COL26A1: variants seen among roughly 807,000 people sequenced by gnomAD.
The protein encoded by COL26A1 is collagen alpha-1(XXVI) chain.
COL26A1 carries 41 observed loss-of-function variants against 59.3 expected under a neutral mutation model. The ratio of observed to expected loss-of-function variants is 0.69; its 90% CI spans 0.54 to 0.90. The LOEUF (loss-of-function observed/expected upper bound fraction) is 0.90. Ranked by LOEUF, COL26A1 falls within the 40% of genes least tolerant of loss-of-function variation. The pLI is 0.00. For missense variants in COL26A1, 612 were observed against 602.3 expected (o/e 1.02, Z -0.17); for synonymous variants, 266 against 256.0 (o/e 1.04, Z -0.37).
chr7:101,514,030 A>C (rs1257893531), intron 3 of COL26A1, among the ~76,000 whole-genome samples: 3 of 152,126 alleles, frequency 2.0e-5, no homozygotes, highest in Non-Finnish European at 4.4e-5. Flanking sequence ...ACAATGTAGA[A>C]AATGCAAATT....
At chr7:101,466,753 GC>G (rs1483965281) in intron 3 of COL26A1, among the ~76,000 whole-genome samples, 2 of 151,232 alleles carry the variant, frequency 1.3e-5, no homozygotes, top group East Asian at 3.9e-4. Flanking sequence ...GGATATAGAT[GC>G]TTAGGACTGA....
intron 3 of COL26A1, among the ~76,000 whole-genome samples, chr7:101,461,534 G>T (rs1054106842): frequency 2.0e-5 from 3 of 152,108 alleles, no homozygotes; most frequent in African/African-American, 7.2e-5. Context: ...CTCACCTCAG[G>T]TGATCCACCT....
intron 2 of COL26A1, among the ~76,000 whole-genome samples, chr7:101,422,596 G>C (rs1041411152): frequency 2.6e-5 from 4 of 152,026 alleles, no homozygotes; most frequent in South Asian, 2.1e-4. Flanking sequence ...TGACAGGCTG[G>C]GCTTTGGCTC....
intron 12 of COL26A1, 149 bp from the exon 13 acceptor site, chr7:101,557,221 A>C: frequency 1.5e-6 from 1 of 668,442 alleles, no homozygotes; most frequent in Non-Finnish European, 2.5e-6. Flanking sequence ...CCATGAATGA[A>C]TGAATGCATA....
intron 3 of COL26A1, among the ~76,000 whole-genome samples, chr7:101,494,567 A>G (rs1004869068): frequency 6.6e-6 from 1 of 152,262 alleles, no homozygotes; most frequent in Non-Finnish European, 1.5e-5. Flanking sequence ...GACCCTGGCT[A>G]AGAGCCTAGG....
chr7:101,545,512 C>T (rs781550515), intron 7 of COL26A1, 22 bp downstream of exon 7: 1 of 1,587,006 alleles, frequency 6.3e-7, no homozygotes, highest in African/African-American at 1.4e-5. Context: ...CCCTGGGGGG[C>T]CAAGGGAGGG....
chr7:101,458,192 G>A (rs1793523521), intron 3 of COL26A1, among the ~76,000 whole-genome samples: 1 of 152,082 alleles, frequency 6.6e-6, no homozygotes, highest in Admixed American at 6.6e-5. Flanking sequence ...ATGGCACTTG[G>A]CCTCATTAGA....
chr7:101,378,599 C>T (rs537972702), intron 1 of COL26A1, among the ~76,000 whole-genome samples: 11 of 152,040 alleles, frequency 7.2e-5, no homozygotes, highest in Middle Eastern at 3.4e-3. Context: ...TGGCTTCAAG[C>T]GATCCTCCAG....
chr7:101,550,672 G>T (rs1431671918), intron 9 of COL26A1, among the ~76,000 whole-genome samples: 1 of 152,092 alleles, frequency 6.6e-6, no homozygotes, highest in Non-Finnish European at 1.5e-5. Context: ...TTTGGAGAGA[G>T]GGGGAGTGGG....
chr7:101,397,167 C>T (rs1562961661), intron 1 of COL26A1, among the ~76,000 whole-genome samples: 1 of 152,162 alleles, frequency 6.6e-6, no homozygotes, highest in Non-Finnish European at 1.5e-5. Context: ...CTGTGCACTG[C>T]AGGTCCTTGC....
chr7:101,403,901 G>A (rs917253030), intron 1 of COL26A1, among the ~76,000 whole-genome samples: 1 of 152,156 alleles, frequency 6.6e-6, no homozygotes, highest in Non-Finnish European at 1.5e-5. Context: ...TTCGAGACCA[G>A]CCTGGCCAAC....
intron 3 of COL26A1, among the ~76,000 whole-genome samples, chr7:101,515,864 C>T (rs1176567394): frequency 2.0e-5 from 3 of 152,160 alleles, no homozygotes; most frequent in Admixed American, 2.0e-4. Context: ...GCTGGGATTA[C>T]AGGCATGAGC....
At chr7:101,397,097 G>T (rs1791873027) in intron 1 of COL26A1, among the ~76,000 whole-genome samples, 1 of 152,160 alleles carries the variant, frequency 6.6e-6, no homozygotes, top group Admixed American at 6.5e-5. Flanking sequence ...CCTGTGCAAT[G>T]GGTGAAGTTG....
intron 1 of COL26A1, among the ~76,000 whole-genome samples, chr7:101,396,052 G>A (rs972130897): frequency 2.0e-5 from 3 of 152,156 alleles, no homozygotes; most frequent in African/African-American, 7.2e-5. Context: ...GAGCCCAGGA[G>A]TTTGAGGCCA....
At chr7:101,472,775 C>T (rs966587011) in intron 3 of COL26A1, among the ~76,000 whole-genome samples, 2 of 148,292 alleles carry the variant, frequency 1.3e-5, no homozygotes, top group Non-Finnish European at 3.0e-5. Flanking sequence ...GTGGCTCTAA[C>T]CCTCACTCCT....
At chr7:101,378,529 A>G (rs1791371760) in intron 1 of COL26A1, among the ~76,000 whole-genome samples, 1 of 152,044 alleles carries the variant, frequency 6.6e-6, no homozygotes, top group Non-Finnish European at 1.5e-5. Flanking sequence ...CTAAAACAAA[A>G]AAAATTTTTT....
intron 3 of COL26A1, among the ~76,000 whole-genome samples, chr7:101,519,229 C>T (rs957952476): frequency 6.6e-6 from 1 of 152,172 alleles, no homozygotes; most frequent in African/African-American, 2.4e-5. Context: ...TTTTTGGGAG[C>T]TCTCCCGGAT....
chr7:101,541,998 A>C (rs1795627640), intron 5 of COL26A1, among the ~76,000 whole-genome samples: 1 of 151,072 alleles, frequency 6.6e-6, no homozygotes, highest in Admixed American at 6.6e-5. Flanking sequence ...ATGGAGTCTC[A>C]CTCTATCACT....
At chr7:101,427,195 A>G (rs1331711074) in intron 2 of COL26A1, among the ~76,000 whole-genome samples, 1 of 152,208 alleles carries the variant, frequency 6.6e-6, no homozygotes, top group Non-Finnish European at 1.5e-5. Context: ...ACTGGGTGCC[A>G]TGATGGATGG....
Sources: gnomAD v4.1 joint callset for allele counts (sites outside exome capture counted in the v4.1 genomes callset) on GRCh38, gnomAD v4.1.1 for gene constraint, MANE v1.5 for transcripts, NCBI Gene and HGNC (gene_info 2026-07-23, HGNC 2026-07-21) for gene names.